Variants in NARS2 observed in about 807,000 individuals in gnomAD.
NARS2 encodes the protein asparaginyl-tRNA synthetase.
NARS2 carries 60 observed loss-of-function variants against 62.9 expected under a neutral mutation model. The ratio of observed to expected loss-of-function variants is 0.95; its 90% CI spans 0.77 to 1.18. NARS2 has a LOEUF of 1.18. NARS2 is among the 50% of genes most tolerant of loss of function. NARS2 has a pLI of 0.00. For synonymous variants in NARS2, 196 were observed against 200.0 expected (o/e 0.98, Z 0.17); for missense variants, 619 against 576.4 (o/e 1.07, Z -0.76).
At chr11:78,457,686 T>C (rs17136658) in intron 11 of NARS2, among the ~76,000 whole-genome samples, 3,072 of 152,254 alleles carry the variant, frequency 0.02, 100 homozygotes, top group African/African-American at 0.07. Context: ...ACCACATTAC[T>C]AGAGAGACTG....
At chr11:78,464,342 T>C (rs1858523906) in intron 11 of NARS2, among the ~76,000 whole-genome samples, 1 of 152,130 alleles carries the variant, frequency 6.6e-6, no homozygotes, top group African/African-American at 2.4e-5. Context: ...ACTTCCACAG[T>C]GTGGAAGGGG....
intron 1 of NARS2, among the ~76,000 whole-genome samples, chr11:78,572,398 A>G (rs1856961770): frequency 6.6e-6 from 1 of 152,208 alleles, no homozygotes; most frequent in African/African-American, 2.4e-5. Flanking sequence ...CTCTCTAAAT[A>G]GTCCAGGACA....
chr11:78,471,294 A>G (rs1345650357), intron 9 of NARS2, among the ~76,000 whole-genome samples: 1 of 152,182 alleles, frequency 6.6e-6, no homozygotes, highest in African/African-American at 2.4e-5. Context: ...ACTCCAGAGT[A>G]TAAGCTTTTA....
At chr11:78,572,218 G>T (rs1347105628) in intron 1 of NARS2, among the ~76,000 whole-genome samples, 1 of 152,100 alleles carries the variant, frequency 6.6e-6, no homozygotes, top group African/African-American at 2.4e-5. Context: ...ATTTCCAAAC[G>T]ACTACTTTCT....
intron 7 of NARS2, among the ~76,000 whole-genome samples, chr11:78,480,222 C>T (rs2135271973): frequency 6.6e-6 from 1 of 152,226 alleles, no homozygotes; most frequent in Admixed American, 6.5e-5. Flanking sequence ...CTCTAGACAT[C>T]TTGCTAAGCT....
rs139136955 is a variant in NARS2, at chr11:78,542,476, A to G, written c.595-13540T>C. Among the ~76,000 whole-genome samples, 34 of 152,148 alleles carry G rather than the reference A, an allele frequency of 2.2e-4. No homozygotes were observed. In the East Asian group the frequency reaches 6.2e-3, roughly 28 times the overall value. ...GAAAAATATTAATTTTGGCTTATTC[A>G]TTGTCAGATTGGGGCTTTAAGGATG... On this transcript the variant is annotated intron_variant, in intron 5 of 13. Coordinates refer to ENST00000281038, the MANE Select transcript of NARS2 (RefSeq NM_024678.6).
chr11:78,478,838 T>G (rs1273105611), intron 7 of NARS2, among the ~76,000 whole-genome samples, 155 bp from the exon 8 acceptor site: 1 of 152,174 alleles, frequency 6.6e-6, no homozygotes, highest in East Asian at 1.9e-4. Context: ...GGTTCAGTTT[T>G]CCAGGCATCT....
rs566633623 is a variant in NARS2 at position 78,521,257 on chromosome 11, T to C, written c.689+7585A>G. On this transcript the variant is annotated intron_variant, in intron 6 of 13. Transcript: ENST00000281038. ...ACAGCTCACTGCAGTCTACAACTCC[T>C]GGGCTCCAGCAATCTTCTTGCCTTA... Among the ~76,000 whole-genome samples the C allele has an allele frequency of 9.9e-5, 15 of 151,876 alleles. No homozygotes were observed. In the South Asian group the frequency reaches 2.9e-3, roughly 29 times the overall value.
intron 6 of NARS2, among the ~76,000 whole-genome samples, chr11:78,508,257 C>T (rs1347246197): frequency 3.3e-5 from 5 of 152,210 alleles, no homozygotes; most frequent in South Asian, 4.2e-4. Flanking sequence ...TACCACAACA[C>T]GACCCAACAT....
chr11:78,554,016 T>C (rs1856232796), intron 5 of NARS2, among the ~76,000 whole-genome samples: 1 of 152,204 alleles, frequency 6.6e-6, no homozygotes, highest in African/African-American at 2.4e-5. Context: ...TCATTGCTTG[T>C]TTTTGTCAGC....
At chr11:78,505,135 T>C (rs1335462928) in intron 6 of NARS2, among the ~76,000 whole-genome samples, 1 of 151,378 alleles carries the variant, frequency 6.6e-6, no homozygotes, top group African/African-American at 2.4e-5. Context: ...AAATGTAAAA[T>C]GAAGCCAGGA....
intron 7 of NARS2, among the ~76,000 whole-genome samples, chr11:78,487,467 A>G (rs1057055851): frequency 6.6e-6 from 1 of 152,092 alleles, no homozygotes; most frequent in Admixed American, 6.6e-5. Context: ...CCATGGGACA[A>G]TATCAAAAGG....
intron 6 of NARS2, among the ~76,000 whole-genome samples, chr11:78,521,482 T>C (rs1006287093): frequency 1.1e-4 from 17 of 152,194 alleles, no homozygotes; most frequent in African/African-American, 3.9e-4. Context: ...CTGTGTCATC[T>C]TTAAAGAAGG....
chr11:78,553,284 C>T (rs1422442635), intron 5 of NARS2, among the ~76,000 whole-genome samples: 2 of 151,524 alleles, frequency 1.3e-5, no homozygotes, highest in African/African-American at 4.8e-5. Context: ...GTCCTTTGCA[C>T]CCCCCCTTTT....
chr11:78,452,375 G>C (rs981447622), intron 11 of NARS2, among the ~76,000 whole-genome samples: 29 of 151,208 alleles, frequency 1.9e-4, no homozygotes, highest in East Asian at 1.9e-4. Context: ...CTAAAGTTCT[G>C]GGATTACAGG....
chr11:78,542,032 C>T (rs1263088347), intron 5 of NARS2, among the ~76,000 whole-genome samples: 1 of 152,204 alleles, frequency 6.6e-6, no homozygotes, highest in East Asian at 1.9e-4. Flanking sequence ...TCCATACTTT[C>T]CACTTGCTAC....
chr11:78,526,281 TA>T (rs993273340), intron 6 of NARS2, among the ~76,000 whole-genome samples: 12 of 152,178 alleles, frequency 7.9e-5, no homozygotes, highest in Admixed American at 7.8e-4. Flanking sequence ...ATATTTACTT[TA>T]AAAAAAGCTT....
chr11:78,534,421 G>A (rs1861592680), intron 5 of NARS2, among the ~76,000 whole-genome samples: 2 of 152,276 alleles, frequency 1.3e-5, no homozygotes, highest in South Asian at 2.1e-4. Context: ...ATTACACTGA[G>A]TAGCAGTTAT....
At chr11:78,479,367 C>T (rs896517912) in intron 7 of NARS2, among the ~76,000 whole-genome samples, 1 of 151,986 alleles carries the variant, frequency 6.6e-6, no homozygotes, top group Non-Finnish European at 1.5e-5. Context: ...ATTAGCTGGG[C>T]ATAGTGGTGT....
Sources: allele counts gnomAD v4.1 joint callset (sites outside exome capture counted in the v4.1 genomes callset), GRCh38; gene constraint gnomAD v4.1.1; transcripts MANE v1.5; gene names NCBI Gene and HGNC (gene_info 2026-07-23, HGNC 2026-07-21).